The following SH3BGRL2 variants were observed in gnomAD, a reference collection of about 807,000 sequenced individuals.
SH3BGRL2 encodes the protein SH3 domain binding glutamate rich protein like 2, also known as SH3 domain-binding glutamic acid-rich-like protein 2.
In SH3BGRL2, 21 loss-of-function variants were observed where a neutral mutation model predicts 14.8. The observed-to-expected ratio is 1.42, with a 90% CI of 1.01 to 2.05. SH3BGRL2 has a LOEUF of 2.05. Among genes scored for constraint, SH3BGRL2 ranks in the 30% most tolerant of loss-of-function variants. The pLI is 0.00. For synonymous variants in SH3BGRL2, 50 were observed against 47.8 expected, an observed-to-expected ratio of 1.05 and a Z score of -0.19; for missense variants, 147 against 130.8, an observed-to-expected ratio of 1.12 and a Z score of -0.61.
At chr6:79,615,021 C>A in the SH3BGRL2 span, among the ~76,000 whole-genome samples, 2 of 150,060 alleles carry the variant, frequency 1.3e-5, no homozygotes, top group African/African-American at 4.9e-5. Context: ...TCTCAGGGCT[C>A]AGCTTATAGG....
chr6:79,658,240 G>A (rs1582722977), intron 1 of SH3BGRL2, among the ~76,000 whole-genome samples: 1 of 152,116 alleles, frequency 6.6e-6, no homozygotes, highest in Non-Finnish European at 1.5e-5. Context: ...GTGGTTTGCT[G>A]CACCCATCAA....
chr6:79,618,670 C>T, the SH3BGRL2 span, among the ~76,000 whole-genome samples: 31 of 151,862 alleles, frequency 2.0e-4, no homozygotes, highest in Non-Finnish European at 4.0e-4. Flanking sequence ...CAAGCCATTG[C>T]ACTCCAGCCT....
At chr6:79,684,278 G>A (rs1209393610) in intron 2 of SH3BGRL2, among the ~76,000 whole-genome samples, 1 of 152,024 alleles carries the variant, frequency 6.6e-6, no homozygotes, top group Non-Finnish European at 1.5e-5. Flanking sequence ...AAGGTGTGTT[G>A]TTATTACACT....
chr6:79,635,384 A>G (rs186639644), intron 1 of SH3BGRL2, among the ~76,000 whole-genome samples: 11 of 152,340 alleles, frequency 7.2e-5, no homozygotes, highest in African/African-American at 2.6e-4. Context: ...ATTTCATAGG[A>G]AGCCAGATTC....
the SH3BGRL2 span, chr6:79,561,413 T>C: frequency 6.6e-6 from 1 of 152,148 alleles, no homozygotes; most frequent in African/African-American, 2.4e-5. Context: ...ATTGTAAATA[T>C]GGTTGTAATC....
chr6:79,549,441 A>G, the SH3BGRL2 span, among the ~76,000 whole-genome samples: 46 of 152,238 alleles, frequency 3.0e-4, no homozygotes, highest in African/African-American at 1.1e-3. Context: ...CCATAAGATT[A>G]TAATGGAGGT....
the SH3BGRL2 span, among the ~76,000 whole-genome samples, chr6:79,585,322 TA>T: frequency 9.2e-5 from 14 of 151,796 alleles, no homozygotes; most frequent in East Asian, 1.9e-4. Flanking sequence ...ATTTTTAAAT[TA>T]AAAAAAAATC....
the SH3BGRL2 span, among the ~76,000 whole-genome samples, chr6:79,609,223 C>T: frequency 6.6e-6 from 1 of 152,078 alleles, no homozygotes; most frequent in African/African-American, 2.4e-5. Context: ...TGCTGATAGT[C>T]AAAGTCATTA....
At chr6:79,611,314 G>T in the SH3BGRL2 span, among the ~76,000 whole-genome samples, 1 of 151,790 alleles carries the variant, frequency 6.6e-6, no homozygotes, top group East Asian at 1.9e-4. Flanking sequence ...GATAATTGTT[G>T]CTATTTTTGT....
chr6:79,690,059 C>G (rs900210178), intron 2 of SH3BGRL2, among the ~76,000 whole-genome samples: 2 of 152,124 alleles, frequency 1.3e-5, no homozygotes, highest in Non-Finnish European at 2.9e-5. Context: ...GTAGTCATTG[C>G]TCACTGCATG....
the SH3BGRL2 span, among the ~76,000 whole-genome samples, chr6:79,569,560 G>A: frequency 1.3e-5 from 2 of 152,110 alleles, no homozygotes; most frequent in Non-Finnish European, 2.9e-5. Context: ...AGGTCTCTGT[G>A]TTAATGTTAA....
At chr6:79,544,265 A>G in the SH3BGRL2 span, among the ~76,000 whole-genome samples, 1 of 152,200 alleles carries the variant, frequency 6.6e-6, no homozygotes, top group South Asian at 2.1e-4. Context: ...GAGCAAGCCA[A>G]TGGAGTTTTA....
chr6:79,611,990 G>A, the SH3BGRL2 span, among the ~76,000 whole-genome samples: 2 of 152,148 alleles, frequency 1.3e-5, no homozygotes, highest in Non-Finnish European at 2.9e-5. Flanking sequence ...TGTTAGACAA[G>A]GCTGGACCCA....
intron 2 of SH3BGRL2, among the ~76,000 whole-genome samples, chr6:79,674,003 G>A (rs898030338): frequency 6.6e-6 from 1 of 152,084 alleles, no homozygotes; most frequent in Non-Finnish European, 1.5e-5. Context: ...GGGTTGTGTG[G>A]TATGTGAATG....
chr6:79,585,425 T>G, the SH3BGRL2 span, among the ~76,000 whole-genome samples: 2 of 152,246 alleles, frequency 1.3e-5, no homozygotes, highest in African/African-American at 4.8e-5. Flanking sequence ...CTAACATTTA[T>G]GAAAATTATT....
intron 1 of SH3BGRL2, among the ~76,000 whole-genome samples, chr6:79,662,871 G>A (rs1366014381): frequency 2.0e-5 from 3 of 152,028 alleles, no homozygotes; most frequent in African/African-American, 7.2e-5. Context: ...GTCTAAACTT[G>A]TCTTCTTACT....
chr6:79,555,762 C>T, the SH3BGRL2 span, among the ~76,000 whole-genome samples: 1 of 152,142 alleles, frequency 6.6e-6, no homozygotes, highest in Non-Finnish European at 1.5e-5. Context: ...CCCGCCTTGG[C>T]GTCCCAAAGT....
At chr6:79,687,951 G>A (rs1770134714) in intron 2 of SH3BGRL2, among the ~76,000 whole-genome samples, 1 of 152,140 alleles carries the variant, frequency 6.6e-6, no homozygotes, top group Non-Finnish European at 1.5e-5. Context: ...AGTGGCTGCT[G>A]TGAGCTTTCC....
the SH3BGRL2 span, among the ~76,000 whole-genome samples, chr6:79,557,214 CT>C: frequency 1.9e-3 from 285 of 151,702 alleles, 3 homozygotes; most frequent in East Asian, 2.3e-3. Context: ...AAATTTTTTA[CT>C]TTTAAACAGA....
Sources: gnomAD v4.1 joint callset for allele counts (sites outside exome capture counted in the v4.1 genomes callset) on GRCh38, gnomAD v4.1.1 for gene constraint, MANE v1.5 for transcripts, NCBI Gene and HGNC (gene_info 2026-07-23, HGNC 2026-07-21) for gene names.